MMRN2: variants seen among roughly 807,000 people sequenced by gnomAD.
The protein encoded by MMRN2 is multimerin-2.
A neutral mutation model predicts 68.8 loss-of-function variants in MMRN2; 53 were observed. The ratio of observed to expected loss-of-function variants is 0.77; its 90% CI spans 0.62 to 0.97. The LOEUF is 0.97. MMRN2 is among the 50% of genes least tolerant of loss of function. The probability of loss-of-function intolerance (pLI) is 0.00; values close to 1 mark genes in which losing one functional copy is unlikely to be tolerated. For missense variants in MMRN2, 1,266 were observed against 1,259.5 expected, an observed-to-expected ratio of 1.01 and a Z score of -0.08; for synonymous variants, 564 against 551.6, an observed-to-expected ratio of 1.02 and a Z score of -0.32.
chr10:86,953,280 A>G (rs2133686938), intron 1 of MMRN2, among the ~76,000 whole-genome samples: 3 of 152,344 alleles, frequency 2.0e-5, no homozygotes, highest in Admixed American at 2.0e-4. Context: ...GACAGGCATA[A>G]GAAATTATGA....
rs1844045811 is a variant in MMRN2, at chr10:86,945,094, C to T, written c.481+94G>A. 5.3e-6 allele frequency: 6 copies of T among 1,124,748 alleles called. No individual in the cohort carries two copies. In the East Asian group the frequency reaches 1.4e-4, roughly 27 times the overall value. The allele number at this position is 1,124,748 out of a possible 1,614,324, so 69.7% of individuals were successfully genotyped here. On this transcript the variant is annotated intron_variant, in intron 4 of 6. Transcript: ENST00000372027. Reference sequence around the variant, plus strand: ...TGCTGATTCTGGAGGCAAGGTTTCCCTGAAATGGCACTGCTGTATCACAGG... The same window carrying T: ...TGCTGATTCTGGAGGCAAGGTTTCCTTGAAATGGCACTGCTGTATCACAGG...
In MMRN2 at chr10:86,942,460, G is replaced by A. The variant is rs753300253; in HGVS notation, c.2324C>T (p.Thr775Ile). 6.2e-7 allele frequency: 1 copy of A among 1,614,144 alleles called. No homozygotes were observed. Among genetic ancestry groups the A allele is most frequent in the East Asian group, 2.2e-5 (1 of 44,876 alleles). The change falls in exon 6 of 7, where the codon ACC becomes ATC. Residue 775 changes from threonine (T) to isoleucine (I), a missense_variant. Physicochemically the swap from Thr to Ile is moderately conservative, Grantham distance 89. Coordinates refer to ENST00000372027, the MANE Select transcript of MMRN2 (RefSeq NM_024756.3). ...NVSLDLGKLQ[T>I]MLSRKGKKQQ... is the part of the protein sequence containing the mutation. ...CTTCTTCCCTTTCCTGCTCAGCATG[G>A]TCTGCAGCTTCCCCAGGTCCAGGCT...
At chr10:86,941,847 A>C (rs998532081) in intron 6 of MMRN2, among the ~76,000 whole-genome samples, 11 of 129,964 alleles carry the variant, frequency 8.5e-5, no homozygotes, top group Admixed American at 2.3e-4. Flanking sequence ...ACAAAAAAAA[A>C]ACTAAAATCA....
chr10:86,940,042 C>T (rs1275526686), intron 6 of MMRN2, among the ~76,000 whole-genome samples: 5 of 136,332 alleles, frequency 3.7e-5, no homozygotes, highest in African/African-American at 8.3e-5. Context: ...TTGACAGTTT[C>T]GCTCTTCTTG....
chr10:86,936,074 T>TA lies in MMRN2; in HGVS notation c.*668_*669insT. ...CCAAGATCCAATTACCTCCACCTGATCTCTCCCTTGATGTGGGGATTATAG... is the reference window on the plus strand; with the variant it reads ...CCAAGATCCAATTACCTCCACCTGATACTCTCCCTTGATGTGGGGATTATAG... On this transcript the variant is annotated 3_prime_UTR_variant, in exon 7 of 7. Coordinates refer to ENST00000372027, the MANE Select transcript of MMRN2 (RefSeq NM_024756.3). 1 of 201,938 alleles carries TA rather than the reference T, an allele frequency of 5.0e-6. No homozygotes were observed. Among genetic ancestry groups the TA allele is most frequent in the Non-Finnish European group, 9.9e-6 (1 of 100,722 alleles). The allele number at this position is 201,938 out of a possible 1,614,324, so 12.5% of individuals were successfully genotyped here. A position where few individuals can be genotyped will look rare whatever the true frequency, so the allele number is the denominator to read the frequency against.
At chr10:86,940,086 C>A (rs921322220) in intron 6 of MMRN2, among the ~76,000 whole-genome samples, 1 of 150,368 alleles carries the variant, frequency 6.7e-6, no homozygotes, top group South Asian at 2.1e-4. Flanking sequence ...AATCTCGGCT[C>A]ACTGCAGCCT....
In MMRN2 at chr10:86,936,952, C is replaced by G; in HGVS notation, c.2641G>C (p.Gly881Arg). 6.2e-7 allele frequency: 1 copy of G among 1,614,228 alleles called. No homozygotes were observed. Among genetic ancestry groups the G allele is most frequent in the Non-Finnish European group, 8.5e-7 (1 of 1,180,044 alleles). The change falls in exon 7 of 7, where the codon GGG becomes CGG. Residue 881 changes from glycine to arginine, a missense_variant. By Grantham distance (125) the Gly-to-Arg change is moderately radical. Transcript: ENST00000372027. ...LFAVSVEFGP[G>R]PGTGQLVFGG... is the part of the protein sequence containing the mutation. ...AACACCAGCTGCCCGGTGCCTGGCC[C>G]TGGGCCAAATTCAACGCTCACTGCA...
chr10:86,938,958 T>G (rs1446455144), intron 6 of MMRN2, among the ~76,000 whole-genome samples: 4 of 140,062 alleles, frequency 2.9e-5, no homozygotes, highest in African/African-American at 5.4e-5. Context: ...AAGTCGGGAA[T>G]TCGAGACCAG....
Position 86,942,852 on chromosome 10 carries a change from G to T in MMRN2, c.1932C>A (p.Ala644=). Residue 644 remains alanine, a synonymous_variant, in exon 6 of 7, where the codon GCC becomes GCA. Coordinates refer to ENST00000372027, the MANE Select transcript of MMRN2 (RefSeq NM_024756.3). ...GCGCCTGCTCCTGCAGCCCGCTAGC[G>T]GCGTCCTGCAGGGCCACGCGGATCT... is the stretch of plus-strand genomic sequence containing the variant. ...YEQIRVALQD[A]ASGLQEQALG... 7.2e-7 allele frequency: 1 copy of T among 1,392,048 alleles called. No homozygotes were observed. The highest frequency in any genetic ancestry group is 3.0e-5 in the East Asian group (1 of 32,928). 86.2% of individuals were successfully genotyped at this position (1,392,048 alleles called of 1,614,324 possible). A position where few individuals can be genotyped will look rare whatever the true frequency, so the allele number is the denominator to read the frequency against.
rs752890121 is a variant in MMRN2, at chr10:86,942,439, T to C, written c.2345A>G (p.Lys782Arg). 1 of 1,614,200 alleles carries C rather than the reference T, an allele frequency of 6.2e-7. No individual in the cohort carries two copies. Among genetic ancestry groups the C allele is most frequent in the Non-Finnish European group, 8.5e-7 (1 of 1,180,024 alleles). Reference sequence around the variant, plus strand: ...AGCTTCCAGGTCTTTCTGCTGCTTCTTCCCTTTCCTGCTCAGCATGGTCTG... The same window carrying C: ...AGCTTCCAGGTCTTTCTGCTGCTTCCTCCCTTTCCTGCTCAGCATGGTCTG... The part of the protein sequence containing the change: ...KLQTMLSRKG[K>R]KQQKDLEAPR... Residue 782 changes from lysine to arginine, a missense_variant, in exon 6 of 7, where the codon AAG (lysine) becomes AGG (arginine). Transcript: ENST00000372027.
In MMRN2 at chr10:86,957,394, T is replaced by G. The variant is rs769622805; in HGVS notation, c.148A>C (p.Lys50Gln). ...CCCTCTTACCGTCCTACGGGGTCCT[T>G]GCCGGTGTCCTCAGCCTCTGCCTTC... ...VWKAEAEDTG[K>Q]DPVGRNWCPY... Residue 50 changes from lysine (K) to glutamine (Q), a missense_variant, in exon 1 of 7, where the codon AAG (lysine) becomes CAG (glutamine). By Grantham distance (53) the Lys-to-Gln change is moderately conservative. Transcript: ENST00000372027. The G allele has an allele frequency of 6.2e-7, 1 of 1,613,366 alleles. No individual in the cohort carries two copies. The highest frequency in any genetic ancestry group is 8.5e-7 in the Non-Finnish European group (1 of 1,179,918).
At chr10:86,950,166 G>A (rs990171339) in intron 1 of MMRN2, among the ~76,000 whole-genome samples, 3 of 152,010 alleles carry the variant, frequency 2.0e-5, no homozygotes, top group African/African-American at 7.2e-5. Context: ...CCAACATAGT[G>A]ACACCCTGTC....
In MMRN2 at chr10:86,942,728, G is replaced by C. The variant is rs751256828; in HGVS notation, c.2056C>G (p.Arg686Gly). The change falls in exon 6 of 7, where the codon CGC becomes GGC. Residue 686 changes from arginine to glycine, a missense_variant. Transcript: ENST00000372027. ...AGGGCGGTGGTGGCGGCCTCCTCGC[G>C]GCCCGCGTCGTGGCTGGGCTCCAGG... ...EHLEPSHDAG[R>G]EEAATTALAG... 9.8e-6 allele frequency: 14 copies of C among 1,434,046 alleles called. 1 individual carries two copies. Among genetic ancestry groups the C allele is most frequent in the Non-Finnish European group, 1.3e-5 (14 of 1,102,212 alleles). 88.8% of individuals were successfully genotyped at this position (1,434,046 alleles called of 1,614,324 possible). A position where few individuals can be genotyped will look rare whatever the true frequency, so the allele number is the denominator to read the frequency against.
chr10:86,951,654 G>A (rs920591890), intron 1 of MMRN2, among the ~76,000 whole-genome samples: 1 of 152,166 alleles, frequency 6.6e-6, no homozygotes, highest in African/African-American at 2.4e-5. Flanking sequence ...ACTGGCCATA[G>A]TTTTCTGACC....
rs1041975615 is a variant in MMRN2, at chr10:86,943,054, G to A, written c.1730C>T (p.Ala577Val). The change falls in exon 6 of 7, where the codon GCG becomes GTG. Residue 577 changes from alanine to valine, a missense_variant. Ala to Val is a moderately conservative substitution (Grantham distance 64). Coordinates refer to ENST00000372027, the MANE Select transcript of MMRN2 (RefSeq NM_024756.3). The surrounding 1 kb of genome is among the most constrained non-coding windows in gnomAD (Gnocchi z 4.2). The stretch of plus-strand genomic sequence containing the variant: ...GGCCTCGGCCGCGGCCGCCTTCAGC[G>A]CGCCCACCTCGTCATCCAGCGCCTG... The part of the protein sequence containing the change: ...QVQALDDEVG[A>V]LKAAAAEARH... The A allele has an allele frequency of 5.8e-6, 8 of 1,385,568 alleles. No individual in the cohort carries two copies. In the African/African-American group the frequency reaches 1.1e-4, roughly 19 times the overall value. 85.8% of individuals were successfully genotyped at this position (1,385,568 alleles called of 1,614,324 possible).
At chr10:86,952,988 A>C (rs1475317129) in intron 1 of MMRN2, among the ~76,000 whole-genome samples, 1 of 152,194 alleles carries the variant, frequency 6.6e-6, no homozygotes, top group Non-Finnish European at 1.5e-5. Context: ...TAGGAAAAGA[A>C]TTTAGCGATA....
intron 1 of MMRN2, among the ~76,000 whole-genome samples, chr10:86,954,986 T>C (rs1844198189): frequency 6.6e-6 from 1 of 152,070 alleles, no homozygotes; most frequent in South Asian, 2.1e-4. Flanking sequence ...ATCTCAGTGC[T>C]CTTTGTGTAA....
In MMRN2 at chr10:86,943,324, TTGA is replaced by T; in HGVS notation, c.1457_1459del (p.Ile486del). 2 of 1,613,888 alleles carry T rather than the reference TTGA, an allele frequency of 1.2e-6. No homozygotes were observed. Among genetic ancestry groups the T allele is most frequent in the South Asian group, 1.1e-5 (1 of 91,086 alleles). ...CTGGCAATTGCAGTCCTTCACGTACTTGATGAGGTCGGCATGGCCACCCTGCAG... is the reference window on the plus strand; with the variant it reads ...CTGGCAATTGCAGTCCTTCACGTACTTGAGGTCGGCATGGCCACCCTGCAG... On this transcript the variant is annotated inframe_deletion, in exon 6 of 7. Transcript: ENST00000372027. This position sits in a 1 kb window ranked among gnomAD's most constrained non-coding sequence, Gnocchi z 4.2.
Position 86,936,230 on chromosome 10 carries a change from T to C in MMRN2, c.*513A>G. On this transcript the variant is annotated 3_prime_UTR_variant, in exon 7 of 7. Coordinates refer to ENST00000372027, the MANE Select transcript of MMRN2 (RefSeq NM_024756.3). ...GGCTGTCGTCTTCATTACTGACTAA[T>C]AGAGACCAAGCAGGTTGGTTTAATC... 2.5e-6 allele frequency: 1 copy of C among 404,458 alleles called. No homozygotes were observed. The allele number at this position is 404,458 out of a possible 1,614,324, so 25.1% of individuals were successfully genotyped here.
Sources: gnomAD v4.1 joint callset for allele counts (sites outside exome capture counted in the v4.1 genomes callset) on GRCh38, gnomAD v4.1.1 for gene constraint, Gnocchi (gnomAD v3.1) non-coding constraint, MANE v1.5 for transcripts, NCBI Gene and HGNC (gene_info 2026-07-23, HGNC 2026-07-21) for gene names.